Variants in CEP112 observed in about 807,000 individuals in gnomAD.
CEP112 encodes the protein centrosomal protein 112.
Under a neutral mutation model 153.0 loss-of-function variants are expected in CEP112, and 127 were observed. That is an observed-to-expected ratio of 0.83 (90% confidence interval 0.72 to 0.96). The LOEUF is 0.96. Among genes scored for constraint, CEP112 ranks in the 40% least tolerant of loss-of-function variants. The pLI, the probability that CEP112 is intolerant of heterozygous loss-of-function variation, is 0.00. For synonymous variants in CEP112, 358 were observed against 374.4 expected (o/e 0.96, Z 0.51); for missense variants, 1,089 against 1,101.2 (o/e 0.99, Z 0.16).
chr17:65,880,566 C>T lies in CEP112; in HGVS notation c.2163+21586G>A, dbSNP rs187740869. 7.1e-4 allele frequency among the ~76,000 whole-genome samples: 108 copies of T among 152,238 alleles called. 1 individual carries two copies. The highest frequency in any genetic ancestry group is 2.4e-3 in the African/African-American group (100 of 41,548). ...GTGATGACTATTTACTATCAAAGAC[C>T]TTTCTAAGTTAGGCTCATGGTCTCT... On this transcript the variant is annotated intron_variant, in intron 20 of 26. Transcript: ENST00000535342.
At chr17:65,771,474 G>T (rs2318868) in intron 21 of CEP112, among the ~76,000 whole-genome samples, 73,075 of 151,970 alleles carry the variant, frequency 0.48, 19,278 homozygotes, top group East Asian at 0.78. Context: ...TTCACAGGAA[G>T]TGATAGGACA....
At chr17:65,929,099 T>C (rs1337087167) in intron 18 of CEP112, among the ~76,000 whole-genome samples, 1 of 152,202 alleles carries the variant, frequency 6.6e-6, no homozygotes, top group Non-Finnish European at 1.5e-5. Context: ...TGGGGGAAGA[T>C]GAACATTTTC....
In CEP112 at chr17:65,889,685, G is replaced by C. The variant is rs527370746; in HGVS notation, c.2163+12467C>G. On this transcript the variant is annotated intron_variant, in intron 20 of 26. Transcript: ENST00000535342. The stretch of plus-strand genomic sequence containing the variant: ...TGATTCTTTAATCTTATTTTCAATA[G>C]AGATGGAGAGCTGTCCTTTGAAGTC... Among the ~76,000 whole-genome samples the C allele has an allele frequency of 3.3e-5, 5 of 152,118 alleles. No individual in the cohort carries two copies. In the South Asian group the frequency reaches 1.0e-3, roughly 32 times the overall value.
intron 21 of CEP112, among the ~76,000 whole-genome samples, chr17:65,755,362 G>T (rs2052191003): frequency 6.6e-6 from 1 of 152,076 alleles, no homozygotes; most frequent in Non-Finnish European, 1.5e-5. Context: ...ACTGTTATAA[G>T]AACAGCACCA....
chr17:65,721,744 T>C (rs1487463543), intron 23 of CEP112, among the ~76,000 whole-genome samples: 3 of 152,200 alleles, frequency 2.0e-5, no homozygotes, highest in African/African-American at 7.2e-5. Flanking sequence ...TTTGGAACGC[T>C]CTTTAAATTA....
At position 65,884,723 on chromosome 17, in the gene CEP112, T is replaced by C. The variant is rs1203329119; in HGVS notation, c.2163+17429A>G. ...TGTAGTTTCTTTTTTTTTTTTCTTT[T>C]TTTTTTTTTTTGAGACGGAGTTTTG... On this transcript the variant is annotated intron_variant, in intron 20 of 26. Transcript: ENST00000535342. Among the ~76,000 whole-genome samples, 6 of 148,770 alleles carry C rather than the reference T, an allele frequency of 4.0e-5. No homozygotes were observed. In the East Asian group the frequency reaches 7.7e-4, roughly 19 times the overall value.
At chr17:65,920,118 G>T (rs1268055465) in intron 19 of CEP112, among the ~76,000 whole-genome samples, 1 of 151,722 alleles carries the variant, frequency 6.6e-6, no homozygotes, top group Non-Finnish European at 1.5e-5. Flanking sequence ...GCAGAGGCAG[G>T]TGGATCACCT....
intron 16 of CEP112, among the ~76,000 whole-genome samples, chr17:66,009,842 C>G (rs932547824): frequency 6.6e-6 from 1 of 152,138 alleles, no homozygotes; most frequent in Non-Finnish European, 1.5e-5. Flanking sequence ...TGTACCAGTA[C>G]CATGCTGTTT....
At chr17:65,850,813 C>T (rs1162632307) in intron 21 of CEP112, among the ~76,000 whole-genome samples, 1 of 152,208 alleles carries the variant, frequency 6.6e-6, no homozygotes, top group Non-Finnish European at 1.5e-5. Context: ...TTTCCAGACA[C>T]ACCACTTTCC....
intron 21 of CEP112, among the ~76,000 whole-genome samples, chr17:65,818,235 T>C (rs2056369755): frequency 6.6e-6 from 1 of 151,880 alleles, no homozygotes; most frequent in South Asian, 2.1e-4. Context: ...AATATACAAA[T>C]ATATTTACTT....
At chr17:65,798,916 A>G (rs1225526018) in intron 21 of CEP112, among the ~76,000 whole-genome samples, 3 of 152,196 alleles carry the variant, frequency 2.0e-5, no homozygotes, top group Non-Finnish European at 1.5e-5. Context: ...AATTTTTATT[A>G]ATGACCGAAA....
intron 20 of CEP112, among the ~76,000 whole-genome samples, chr17:65,881,873 G>A (rs1407461421): frequency 2.0e-5 from 3 of 152,178 alleles, no homozygotes; most frequent in African/African-American, 4.8e-5. Context: ...AACTTTGGAG[G>A]AGAAATTAAA....
intron 20 of CEP112, among the ~76,000 whole-genome samples, chr17:65,854,776 G>A (rs1158892590): frequency 1.3e-5 from 2 of 152,156 alleles, no homozygotes; most frequent in Non-Finnish European, 2.9e-5. Context: ...ATAATCAGCT[G>A]TGGATCAATT....
chr17:66,106,485 C>CA (rs1195750382), intron 6 of CEP112, among the ~76,000 whole-genome samples: 1 of 151,784 alleles, frequency 6.6e-6, no homozygotes, highest in Non-Finnish European at 1.5e-5. Context: ...TGGCAGAAAT[C>CA]AAAAAATCAT....
intron 18 of CEP112, among the ~76,000 whole-genome samples, chr17:65,929,074 G>A (rs1413791180): frequency 6.6e-6 from 1 of 152,002 alleles, no homozygotes; most frequent in Admixed American, 6.6e-5. Context: ...ACTGTTAAAG[G>A]GTATGGTGTT....
intron 24 of CEP112, among the ~76,000 whole-genome samples, chr17:65,682,004 T>G (rs1263186082): frequency 3.3e-5 from 5 of 151,498 alleles, no homozygotes; most frequent in Non-Finnish European, 5.9e-5. Context: ...CTTTCTTTCT[T>G]TTTTTTTGAG....
At chr17:65,914,027 T>A in intron 19 of CEP112, 1 of 239,570 alleles carries the variant, frequency 4.2e-6, no homozygotes, top group Non-Finnish European at 6.8e-6. Flanking sequence ...GTCAAATGCT[T>A]CAAAAGGGTT....
chr17:66,171,151 C>T (rs1402931766), intron 4 of CEP112, among the ~76,000 whole-genome samples: 1 of 152,034 alleles, frequency 6.6e-6, no homozygotes, highest in African/African-American at 2.4e-5. Flanking sequence ...AATAGAGAGT[C>T]CTAACAAAAA....
At chr17:66,059,987 C>A (rs1046078871) in intron 11 of CEP112, among the ~76,000 whole-genome samples, 3 of 151,954 alleles carry the variant, frequency 2.0e-5, no homozygotes, top group African/African-American at 7.3e-5. Flanking sequence ...AAATCATGTC[C>A]TTCGCAGCAA....
Sources: gnomAD v4.1 joint callset for allele counts (sites outside exome capture counted in the v4.1 genomes callset) on GRCh38, gnomAD v4.1.1 for gene constraint, MANE v1.5 for transcripts, NCBI Gene and HGNC (gene_info 2026-07-23, HGNC 2026-07-21) for gene names.